Variants in FER observed in about 807,000 individuals in gnomAD.
FER encodes tyrosine-protein kinase Fer.
Under a neutral mutation model 111.0 loss-of-function variants are expected in FER, and 63 were observed. That is an observed-to-expected ratio of 0.57 (90% CI 0.46 to 0.70). FER has a LOEUF of 0.70. Ranked by LOEUF, FER falls within the 30% of genes least tolerant of loss-of-function variation. The pLI is 0.00. For missense variants in FER, 914 were observed against 954.0 expected, an observed-to-expected ratio of 0.96 and a Z score of 0.55; for synonymous variants, 327 against 313.9, an observed-to-expected ratio of 1.04 and a Z score of -0.44.
intron 13 of FER, among the ~76,000 whole-genome samples, chr5:109,027,656 C>T (rs1049232772): frequency 6.6e-6 from 1 of 152,116 alleles, no homozygotes; most frequent in Non-Finnish European, 1.5e-5. Context: ...GATTTGGCAG[C>T]GGTTGATTGA....
intron 10 of FER, among the ~76,000 whole-genome samples, chr5:108,924,234 C>G (rs1753424836): frequency 6.6e-6 from 1 of 151,702 alleles, no homozygotes; most frequent in African/African-American, 2.4e-5. Context: ...GTGGTGGGCA[C>G]CTGTAATCCC....
intron 8 of FER, among the ~76,000 whole-genome samples, chr5:108,873,131 T>C (rs1764761389): frequency 6.6e-6 from 1 of 152,090 alleles, no homozygotes; most frequent in Non-Finnish European, 1.5e-5. Context: ...ATCTTTTTTT[T>C]TGTTTTTTTA....
intron 16 of FER, among the ~76,000 whole-genome samples, chr5:109,090,849 G>A (rs1321681749): frequency 6.6e-6 from 1 of 152,138 alleles, no homozygotes; most frequent in Non-Finnish European, 1.5e-5. Context: ...GGACTTATGG[G>A]ACACCATCAC....
intron 13 of FER, among the ~76,000 whole-genome samples, chr5:108,961,774 A>G (rs1759180465): frequency 6.6e-6 from 1 of 152,166 alleles, no homozygotes. Context: ...ACAAATTGAT[A>G]TGGATTTGTT....
intron 3 of FER, chr5:108,817,906 C>T (rs926880144): frequency 6.6e-6 from 1 of 152,132 alleles, no homozygotes; most frequent in Non-Finnish European, 1.5e-5. Flanking sequence ...CCTCTATAGT[C>T]TTCCTAAGCA....
intron 16 of FER, among the ~76,000 whole-genome samples, chr5:109,076,861 C>T (rs902773712): frequency 1.1e-4 from 17 of 152,216 alleles, no homozygotes; most frequent in African/African-American, 4.1e-4. Flanking sequence ...GTATTTCAGA[C>T]ACTGGTAATC....
intron 1 of FER, among the ~76,000 whole-genome samples, chr5:108,752,973 C>CT (rs940643983): frequency 1.3e-3 from 205 of 152,022 alleles, no homozygotes; most frequent in African/African-American, 4.4e-3. Flanking sequence ...GTCAGATAAT[C>CT]GGGTTTTAGT....
chr5:108,993,576 A>G (rs1581556192), intron 13 of FER, among the ~76,000 whole-genome samples: 1 of 136,144 alleles, frequency 7.3e-6, no homozygotes, highest in Non-Finnish European at 1.6e-5. Context: ...CCGTGGGGAG[A>G]GGGAGAGGGA....
intron 16 of FER, among the ~76,000 whole-genome samples, chr5:109,086,275 C>T (rs190849997): frequency 9.3e-5 from 11 of 117,798 alleles, no homozygotes; most frequent in Admixed American, 2.2e-4. Context: ...TTCAAGGTAT[C>T]GGTCCTTACA....
At chr5:109,146,816 T>G (rs1754271987) in intron 17 of FER, among the ~76,000 whole-genome samples, 1 of 152,066 alleles carries the variant, frequency 6.6e-6, no homozygotes, top group African/African-American at 2.4e-5. Context: ...AAGACTTGAC[T>G]TTGCTATGTT....
At chr5:109,078,313 T>G (rs1244527088) in intron 16 of FER, among the ~76,000 whole-genome samples, 1 of 152,190 alleles carries the variant, frequency 6.6e-6, no homozygotes, top group African/African-American at 2.4e-5. Flanking sequence ...TCAGGTAGTT[T>G]ATTAGTTTAT....
chr5:109,033,625 C>T (rs1387808266), intron 13 of FER, among the ~76,000 whole-genome samples: 2 of 152,086 alleles, frequency 1.3e-5, no homozygotes, highest in Non-Finnish European at 2.9e-5. Context: ...AGCCACTTAG[C>T]AGCCTTCTTA....
chr5:108,952,481 T>TACATGTGTATATAC (rs554543495), intron 11 of FER, among the ~76,000 whole-genome samples: 2 of 151,354 alleles, frequency 1.3e-5, no homozygotes, highest in African/African-American at 4.8e-5. Flanking sequence ...TGTGTGTATA[T>TACATGTGTATATAC]ACATGTGTAT....
intron 10 of FER, among the ~76,000 whole-genome samples, chr5:108,939,257 T>A (rs142812191): frequency 7.2e-5 from 11 of 152,218 alleles, no homozygotes; most frequent in African/African-American, 2.6e-4. Context: ...TCTTTTCCTA[T>A]TAAAATTAAA....
chr5:108,914,231 CTGTGTG>C (rs35365353), intron 10 of FER, among the ~76,000 whole-genome samples: 8 of 141,132 alleles, frequency 5.7e-5, no homozygotes, highest in African/African-American at 1.0e-4. Flanking sequence ...ACTTGTCTCT[CTGTGTG>C]TGTGTGTGTG....
intron 13 of FER, among the ~76,000 whole-genome samples, chr5:108,970,157 T>A (rs1186366779): frequency 6.7e-6 from 1 of 148,478 alleles, no homozygotes; most frequent in Non-Finnish European, 1.5e-5. Flanking sequence ...TTCCAAACAC[T>A]GTTTTATGCT....
chr5:109,129,764 T>C (rs1039172914), intron 17 of FER, among the ~76,000 whole-genome samples: 1 of 152,080 alleles, frequency 6.6e-6, no homozygotes, highest in African/African-American at 2.4e-5. Flanking sequence ...GTCAAACGTC[T>C]TTAAAAATGC....
chr5:108,829,948 A>C (rs1267183286), intron 3 of FER, among the ~76,000 whole-genome samples: 7 of 152,242 alleles, frequency 4.6e-5, no homozygotes, highest in African/African-American at 1.7e-4. Flanking sequence ...TTAGCTGATT[A>C]CTAAAGGAAG....
chr5:108,956,252 G>A (rs888502933), intron 12 of FER, among the ~76,000 whole-genome samples: 2 of 151,442 alleles, frequency 1.3e-5, no homozygotes, highest in Non-Finnish European at 3.0e-5. Context: ...TACAATTTGC[G>A]ACCATATTGC....
Sources: allele counts gnomAD v4.1 joint callset (sites outside exome capture counted in the v4.1 genomes callset), GRCh38; gene constraint gnomAD v4.1.1; transcripts MANE v1.5; gene names NCBI Gene and HGNC (gene_info 2026-07-23, HGNC 2026-07-21).